The following CAMSAP3 variants were observed in gnomAD, a reference collection of about 807,000 sequenced individuals.
The protein encoded by CAMSAP3 is calmodulin-regulated spectrin-associated protein 3.
CAMSAP3 carries 34 observed loss-of-function variants against 112.5 expected under a neutral mutation model. That is an observed-to-expected ratio of 0.30 (90% CI 0.23 to 0.40). The LOEUF (loss-of-function observed/expected upper bound fraction) is 0.40. Among genes scored for constraint, CAMSAP3 ranks in the 10% least tolerant of loss-of-function variants. The pLI is 1.00. For missense variants in CAMSAP3, 1,602 were observed against 1,770.3 expected, an observed-to-expected ratio of 0.90 and a Z score of 1.71; for synonymous variants, 868 against 799.8, an observed-to-expected ratio of 1.09 and a Z score of -1.44.
At position 7,615,657 on chromosome 19, in the gene CAMSAP3, G is replaced by A; in HGVS notation, c.3050G>A (p.Arg1017Gln). 4 of 1,427,890 alleles carry A rather than the reference G, an allele frequency of 2.8e-6. No homozygotes were observed. The highest frequency in any genetic ancestry group is 3.6e-6 in the Non-Finnish European group (4 of 1,096,114). 88.5% of individuals were successfully genotyped at this position (1,427,890 alleles called of 1,614,324 possible). ...GGTCGGGGCGGGCGGAGGGCCACCC[G>A]GCCTCGCTCGGGTTGCTGTGACGAC... is the stretch of plus-strand genomic sequence containing the variant. ...GPGRGGRRAT[R>Q]PRSGCCDDSA... is the part of the protein sequence containing the mutation. The change falls in exon 13 of 17, where the codon CGG (arginine) becomes CAG (glutamine). Residue 1017 changes from arginine (R) to glutamine (Q), a missense_variant. Physicochemically the swap from Arg to Gln is conservative, Grantham distance 43. Transcript: ENST00000160298. This position sits in a 1 kb window ranked among gnomAD's most constrained non-coding sequence, Gnocchi z 6.5.
rs898912875 is a variant in CAMSAP3, at chr19:7,612,262, C to T, written c.1769C>T (p.Pro590Leu). Residue 590 changes from proline to leucine, a missense_variant, in exon 11 of 17, where the codon CCG becomes CTG. By Grantham distance (98) the Pro-to-Leu change is moderately conservative. Around this residue, in one of 6 missense-constraint regions of CAMSAP3, gnomAD observed 1,100 missense variants for 1,135.7 expected, o/e 0.97. Transcript: ENST00000160298. ...GGAGCGGGGTCCCCCACGTCCACTC[C>T]GGCCCCGCCGGAGGCCCTGAGCTCG... ...EAGAGSPTST[P>L]APPEALSSEM... 2.0e-5 allele frequency: 32 copies of T among 1,590,868 alleles called. No individual in the cohort carries two copies. Among genetic ancestry groups the T allele is most frequent in the Admixed American group, 3.5e-5 (2 of 56,804 alleles).
intron 5 of CAMSAP3, among the ~76,000 whole-genome samples, chr19:7,609,492 G>A (rs2030370842): frequency 6.6e-6 from 1 of 151,960 alleles, no homozygotes; most frequent in Admixed American, 6.6e-5. Context: ...GGTCTTGGGG[G>A]AGAGTGTTCT....
chr19:7,596,090 T>A lies in CAMSAP3; in HGVS notation c.88T>A (p.Ser30Thr). The change falls in exon 1 of 17, where the codon TCG (serine) becomes ACG (threonine). Residue 30 changes from serine (S) to threonine (T), a missense_variant. By Grantham distance (58) the Ser-to-Thr change is moderately conservative (BLOSUM62 1). Around this residue, in one of 6 missense-constraint regions of CAMSAP3, gnomAD observed 147 missense variants for 144.6 expected, o/e 1.02. Transcript: ENST00000160298. ...CAAGTCGCTGGACCAGTACGATTTCTCGCGGGCCAAGGCGGCGGCCAGCCT... is the reference window on the plus strand; with the variant it reads ...CAAGTCGCTGGACCAGTACGATTTCACGCGGGCCAAGGCGGCGGCCAGCCT... ...EIKSLDQYDF[S>T]RAKAAASLAW... is the part of the protein sequence containing the mutation. The A allele has an allele frequency of 8.0e-7, 1 of 1,257,318 alleles. No homozygotes were observed. The highest frequency in any genetic ancestry group is 3.1e-4 in the Middle Eastern group (1 of 3,240). 77.9% of individuals were successfully genotyped at this position (1,257,318 alleles called of 1,614,324 possible).
In CAMSAP3 at chr19:7,612,084, C is replaced by G. The variant is rs753461442; in HGVS notation, c.1591C>G (p.Pro531Ala). 10 of 1,609,234 alleles carry G rather than the reference C, an allele frequency of 6.2e-6. No homozygotes were observed. The highest frequency in any genetic ancestry group is 5.0e-5 in the Admixed American group (3 of 59,884). Residue 531 changes from proline to alanine, a missense_variant, in exon 11 of 17, where the codon CCC becomes GCC. Physicochemically the swap from Pro to Ala is conservative, Grantham distance 27. Transcript: ENST00000160298. Reference protein sequence around the residue: ...PHPETPSKPSPCLVGEASKPP... With the variant: ...PHPETPSKPSACLVGEASKPP... Reference sequence around the variant, plus strand: ...CCCCGAGACCCCCTCGAAACCATCTCCCTGTCTGGTGGGGGAGGCATCGAA... The same window carrying G: ...CCCCGAGACCCCCTCGAAACCATCTGCCTGTCTGGTGGGGGAGGCATCGAA...
At position 7,596,075 on chromosome 19, in the gene CAMSAP3, G is replaced by T; in HGVS notation, c.73G>T (p.Asp25Tyr). ...TFLVPEIKSL[D>Y]QYDFSRAKAA... ...TCTAGTGCCCGAGATCAAGTCGCTG[G>T]ACCAGTACGATTTCTCGCGGGCCAA... Residue 25 changes from aspartate to tyrosine, a missense_variant, in exon 1 of 17, where the codon GAC (aspartate) becomes TAC (tyrosine). Around this residue, in one of 6 missense-constraint regions of CAMSAP3, gnomAD observed 147 missense variants for 144.6 expected, o/e 1.02. Transcript: ENST00000160298. 1 of 1,286,980 alleles carries T rather than the reference G, an allele frequency of 7.8e-7. No individual in the cohort carries two copies. 79.7% of individuals were successfully genotyped at this position (1,286,980 alleles called of 1,614,324 possible). A position where few individuals can be genotyped will look rare whatever the true frequency, so the allele number is the denominator to read the frequency against.
chr19:7,616,762 G>A, intron 14 of CAMSAP3, 140 bp downstream of exon 14: 2 of 632,660 alleles, frequency 3.2e-6, no homozygotes, highest in Non-Finnish European at 5.7e-6. Flanking sequence ...AGGGACGCGT[G>A]TGGGCACGTG....
At chr19:7,613,480 G>A (rs1568447326) in intron 11 of CAMSAP3, among the ~76,000 whole-genome samples, 1 of 151,290 alleles carries the variant, frequency 6.6e-6, no homozygotes, top group Non-Finnish European at 1.5e-5. Context: ...TGGGGGTGCA[G>A]TGGGGTGAGA....
chr19:7,608,046 A>C, intron 4 of CAMSAP3, 80 bp from the exon 5 acceptor site: 1 of 1,537,984 alleles, frequency 6.5e-7, no homozygotes, highest in Non-Finnish European at 8.8e-7. Flanking sequence ...CGGAAACCCC[A>C]GGCCTCCCTG....
Position 7,613,031 on chromosome 19 carries a change from C to T in CAMSAP3, c.2538C>T (p.Ile846=), listed in dbSNP as rs911673961. 9 of 1,555,028 alleles carry T rather than the reference C, an allele frequency of 5.8e-6. No homozygotes were observed. Among genetic ancestry groups the T allele is most frequent in the African/African-American group, 2.7e-5 (2 of 72,940 alleles). The change falls in exon 11 of 17, where the codon ATC becomes ATT. Residue 846 remains isoleucine, a synonymous_variant. Transcript: ENST00000160298. ...CCGCCCGGCCGGGCCTCATCGAGAT[C>T]CCGCTGGGCAGCCTGGCAGATCCCG... The part of the protein sequence containing the change: ...EPAARPGLIE[I]PLGSLADPAA...
In CAMSAP3 at chr19:7,612,146, G is replaced by A; in HGVS notation, c.1653G>A (p.Val551=). ...PAPSEGSPKA[V]ASSPAATNSE... ...CATCCGAGGGGTCCCCGAAGGCGGTGGCTTCGTCCCCAGCAGCCACCAACT... is the reference window on the plus strand; with the variant it reads ...CATCCGAGGGGTCCCCGAAGGCGGTAGCTTCGTCCCCAGCAGCCACCAACT... Residue 551 remains valine, a synonymous_variant, in exon 11 of 17, where the codon GTG becomes GTA. Coordinates refer to ENST00000160298, the MANE Select transcript of CAMSAP3 (RefSeq NM_020902.2). 6.2e-7 allele frequency: 1 copy of A among 1,612,474 alleles called. No individual in the cohort carries two copies. Among genetic ancestry groups the A allele is most frequent in the South Asian group, 1.1e-5 (1 of 91,034 alleles).
Position 7,618,069 on chromosome 19 carries a change from C to T in CAMSAP3, c.*12C>T, listed in dbSNP as rs375045492. 92 of 1,606,190 alleles carry T rather than the reference C, an allele frequency of 5.7e-5. No individual in the cohort carries two copies. The African/African-American group carries it at 1.1e-3, about 19-fold the overall frequency. ...GCACCCCCAAATAGCCCCACCCGGG[C>T]GGTCCACGGGCCGGGCCCTGTGTGC... is the stretch of plus-strand genomic sequence containing the variant. On this transcript the variant is annotated 3_prime_UTR_variant, in exon 17 of 17. Transcript: ENST00000160298.
At chr19:7,601,756 T>TAAAATA (rs1568439444) in intron 1 of CAMSAP3, among the ~76,000 whole-genome samples, 1 of 112,888 alleles carries the variant, frequency 8.9e-6, no homozygotes, top group Non-Finnish European at 1.8e-5. Flanking sequence ...ATAAAATAAA[T>TAAAATA]GAATAAATAA....
rs1307731157 is a variant in CAMSAP3 at position 7,610,824 on chromosome 19, G to A, written c.994+31G>A. 55 of 1,610,128 alleles carry A rather than the reference G, an allele frequency of 3.4e-5. 1 individual carries two copies. The highest frequency in any genetic ancestry group is 2.0e-4 in the Middle Eastern group (1 of 5,106). ...GCCCTGGGGGCCTGGGGGCCGGGTC[G>A]GGGGCGGGTGGGAGAGCCAAACCCC... On this transcript the variant is annotated intron_variant, in intron 7 of 16. Transcript: ENST00000160298. The surrounding 1 kb of genome is among the most constrained non-coding windows in gnomAD (Gnocchi z 4.9).
intron 1 of CAMSAP3, among the ~76,000 whole-genome samples, chr19:7,596,479 T>C (rs1250645325): frequency 6.6e-6 from 1 of 151,864 alleles, no homozygotes; most frequent in Non-Finnish European, 1.5e-5. Flanking sequence ...GGACCTCTCG[T>C]TCCCGCCTCC....
chr19:7,608,364 G>A (rs562145863), intron 5 of CAMSAP3, 100 bp downstream of exon 5: 156 of 1,419,942 alleles, frequency 1.1e-4, no homozygotes, highest in Middle Eastern at 5.5e-4. Context: ...GACCAGCAAC[G>A]ATGCAGTGGT....
Position 7,612,512 on chromosome 19 carries a change from T to C in CAMSAP3, c.2019T>C (p.Gly673=), listed in dbSNP as rs1466245870. 1.3e-6 allele frequency: 2 copies of C among 1,540,736 alleles called. No individual in the cohort carries two copies. Among genetic ancestry groups the C allele is most frequent in the Non-Finnish European group, 1.7e-6 (2 of 1,145,878 alleles). The change falls in exon 11 of 17, where the codon GGT becomes GGC. Residue 673 remains glycine (G), a synonymous_variant. Coordinates refer to ENST00000160298, the MANE Select transcript of CAMSAP3 (RefSeq NM_020902.2). ...GGERPAGEGQ[G]EPTSRPKAVT... is the part of the protein sequence containing the mutation. ...AGCGGCCCGCAGGCGAGGGCCAGGG[T>C]GAGCCAACCTCACGGCCCAAGGCAG...
At position 7,607,886 on chromosome 19, in the gene CAMSAP3, C is replaced by T; in HGVS notation, c.622-240C>T. 1 of 1,063,958 alleles carries T rather than the reference C, an allele frequency of 9.4e-7. No individual in the cohort carries two copies. Among genetic ancestry groups the T allele is most frequent in the Non-Finnish European group, 1.4e-6 (1 of 712,418 alleles). 65.9% of individuals were successfully genotyped at this position (1,063,958 alleles called of 1,614,324 possible). On this transcript the variant is annotated intron_variant, in intron 4 of 16. Transcript: ENST00000160298. This position sits in a 1 kb window ranked among gnomAD's most constrained non-coding sequence, Gnocchi z 4.9. ...CCCCCATGGTAATGTATCCCCCGCC[C>T]CGGGGTCCCAGGAGTCCCTGTCCCC...
At chr19:7,599,589 C>T (rs142601740) in intron 1 of CAMSAP3, among the ~76,000 whole-genome samples, 4,542 of 90,374 alleles carry the variant, frequency 0.05, 456 homozygotes, top group Non-Finnish European at 0.064. Flanking sequence ...CATCCATCCA[C>T]CCACCCACCT....
intron 1 of CAMSAP3, among the ~76,000 whole-genome samples, chr19:7,601,478 C>G (rs2029964515): frequency 6.6e-6 from 1 of 152,034 alleles, no homozygotes; most frequent in African/African-American, 2.4e-5. Context: ...GCCACCACGC[C>G]CAGCTAATTT....
Sources: gnomAD v4.1 joint callset for allele counts (sites outside exome capture counted in the v4.1 genomes callset) on GRCh38, gnomAD v4.1.1 for gene constraint, gnomAD v4.1.1 regional missense constraint, Gnocchi (gnomAD v3.1) non-coding constraint, MANE v1.5 for transcripts, NCBI Gene and HGNC (gene_info 2026-07-23, HGNC 2026-07-21) for gene names.